The following IGFBP7 variants were observed in gnomAD, a reference collection of about 807,000 sequenced individuals.
The protein encoded by IGFBP7 is insulin-like growth factor-binding protein 7.
Under a neutral mutation model 29.4 loss-of-function variants are expected in IGFBP7, and 31 were observed. The observed-to-expected ratio is 1.05, with a 90% CI of 0.79 to 1.42. The LOEUF is 1.42. Ranked by LOEUF, IGFBP7 falls within the 40% of genes most tolerant of loss-of-function variation. The pLI, the probability that IGFBP7 is intolerant of heterozygous loss-of-function variation, is 0.00. For synonymous variants in IGFBP7, 172 were observed against 174.9 expected (o/e 0.98, Z 0.13); for missense variants, 393 against 395.5 (o/e 0.99, Z 0.05).
chr4:57,091,364 T>A (rs984146910), intron 1 of IGFBP7, among the ~76,000 whole-genome samples: 1 of 152,216 alleles, frequency 6.6e-6, no homozygotes, highest in Non-Finnish European at 1.5e-5. Context: ...CAATTTTAGC[T>A]TCCTTTGGAT....
At chr4:57,051,816 C>CATT (rs751143962) in intron 1 of IGFBP7, among the ~76,000 whole-genome samples, 11 of 152,182 alleles carry the variant, frequency 7.2e-5, no homozygotes, top group Non-Finnish European at 1.2e-4. Flanking sequence ...AAGATACAGC[C>CATT]ATTAGCACAG....
In IGFBP7 at chr4:57,060,132, G is replaced by A. The variant is rs530881971; in HGVS notation, c.476-19199C>T. 1.3e-4 allele frequency among the ~76,000 whole-genome samples: 20 copies of A among 152,248 alleles called. No individual in the cohort carries two copies. The East Asian group carries it at 1.7e-3, about 13-fold the overall frequency. The stretch of plus-strand genomic sequence containing the variant: ...CTATACATGCAATTATAAAACAGGC[G>A]AAGTGCAACTGGTCCTACGATAGAA... On this transcript the variant is annotated intron_variant, in intron 1 of 4. Coordinates refer to ENST00000295666, the MANE Select transcript of IGFBP7 (RefSeq NM_001553.3).
At chr4:57,073,431 T>C (rs1052220820) in intron 1 of IGFBP7, among the ~76,000 whole-genome samples, 10 of 151,638 alleles carry the variant, frequency 6.6e-5, no homozygotes, top group Admixed American at 5.3e-4. Context: ...CCTGTCTCCA[T>C]AAAAAATGTA....
intron 1 of IGFBP7, among the ~76,000 whole-genome samples, chr4:57,082,132 T>C (rs959843809): frequency 2.0e-5 from 3 of 152,166 alleles, no homozygotes; most frequent in African/African-American, 7.2e-5. Flanking sequence ...CTCAGTTTTT[T>C]CATCTGTAAA....
intron 1 of IGFBP7, among the ~76,000 whole-genome samples, chr4:57,058,703 C>T (rs899856555): frequency 6.6e-6 from 1 of 152,130 alleles, no homozygotes; most frequent in Non-Finnish European, 1.5e-5. Flanking sequence ...TATTTCATGA[C>T]AAAGACACCA....
At chr4:57,097,405 A>G (rs929014581) in intron 1 of IGFBP7, among the ~76,000 whole-genome samples, 2 of 152,210 alleles carry the variant, frequency 1.3e-5, no homozygotes. Flanking sequence ...AGTTTCCACG[A>G]ATTTTCTTTT....
At chr4:57,107,669 GA>G (rs1445095305) in intron 1 of IGFBP7, among the ~76,000 whole-genome samples, 2 of 152,192 alleles carry the variant, frequency 1.3e-5, no homozygotes, top group African/African-American at 4.8e-5. Flanking sequence ...AATTTAGGAT[GA>G]GAAGAAATGG....
At chr4:57,062,816 G>A (rs980707210) in intron 1 of IGFBP7, among the ~76,000 whole-genome samples, 7 of 151,902 alleles carry the variant, frequency 4.6e-5, no homozygotes, top group African/African-American at 1.7e-4. Flanking sequence ...GTAGAGTCCA[G>A]CAATCCTTCT....
At chr4:57,102,479 A>ATCC (rs1162381822) in intron 1 of IGFBP7, among the ~76,000 whole-genome samples, 1 of 152,046 alleles carries the variant, frequency 6.6e-6, no homozygotes, top group Non-Finnish European at 1.5e-5. Context: ...TGAACACGGT[A>ATCC]TCCTATTCAA....
chr4:57,094,503 C>T (rs1725716147), intron 1 of IGFBP7, among the ~76,000 whole-genome samples: 1 of 152,086 alleles, frequency 6.6e-6, no homozygotes, highest in African/African-American at 2.4e-5. Context: ...CCTGCCACTC[C>T]TATGAAAACT....
intron 1 of IGFBP7, among the ~76,000 whole-genome samples, chr4:57,092,445 C>T (rs1725664231): frequency 6.6e-6 from 1 of 152,044 alleles, no homozygotes; most frequent in African/African-American, 2.4e-5. Flanking sequence ...CTAGTAACTG[C>T]AAATTTTATA....
intron 1 of IGFBP7, among the ~76,000 whole-genome samples, chr4:57,048,456 T>C (rs1299486299): frequency 6.6e-6 from 1 of 152,244 alleles, no homozygotes; most frequent in Non-Finnish European, 1.5e-5. Flanking sequence ...GAAAAAGTAC[T>C]ACTGATACAG....
intron 1 of IGFBP7, among the ~76,000 whole-genome samples, chr4:57,063,869 T>C (rs1476676440): frequency 6.6e-6 from 1 of 152,208 alleles, no homozygotes; most frequent in Non-Finnish European, 1.5e-5. Flanking sequence ...AAGTTAAATA[T>C]CTATAAAACA....
intron 2 of IGFBP7, among the ~76,000 whole-genome samples, chr4:57,039,836 G>C (rs970550940): frequency 1.3e-5 from 2 of 151,882 alleles, no homozygotes; most frequent in Non-Finnish European, 2.9e-5. Flanking sequence ...GTGTTGGTCA[G>C]GCTGGTCTCA....
chr4:57,039,685 G>A (rs1518585), intron 2 of IGFBP7, among the ~76,000 whole-genome samples: 40,259 of 147,944 alleles, frequency 0.27, 6,680 homozygotes, highest in Non-Finnish European at 0.38. Context: ...GAGTGCAGTG[G>A]GGCAATCACA....
chr4:57,066,709 A>G (rs546756563), intron 1 of IGFBP7, among the ~76,000 whole-genome samples: 7 of 151,942 alleles, frequency 4.6e-5, no homozygotes, highest in Non-Finnish European at 8.8e-5. Context: ...GATTACAGGT[A>G]TGCGCCACCA....
intron 1 of IGFBP7, among the ~76,000 whole-genome samples, chr4:57,059,534 G>C (rs1292804183): frequency 6.6e-6 from 1 of 152,096 alleles, no homozygotes; most frequent in Non-Finnish European, 1.5e-5. Flanking sequence ...TTACAAGCGG[G>C]AACTAAATGA....
chr4:57,038,489 G>C (rs1724137687), intron 2 of IGFBP7, among the ~76,000 whole-genome samples: 1 of 152,104 alleles, frequency 6.6e-6, no homozygotes, highest in African/African-American at 2.4e-5. Context: ...GTTTCAAATG[G>C]GCTGGTAGAA....
chr4:57,098,310 T>C (rs1725811128), intron 1 of IGFBP7, among the ~76,000 whole-genome samples: 1 of 152,150 alleles, frequency 6.6e-6, no homozygotes, highest in Admixed American at 6.5e-5. Flanking sequence ...TCTCACTTCT[T>C]TGAGTTCAGT....
Sources: gnomAD v4.1 joint callset for allele counts (sites outside exome capture counted in the v4.1 genomes callset) on GRCh38, gnomAD v4.1.1 for gene constraint, MANE v1.5 for transcripts, NCBI Gene and HGNC (gene_info 2026-07-23, HGNC 2026-07-21) for gene names.